The following GAS2 variants were observed in gnomAD, a reference collection of about 807,000 sequenced individuals.
The protein encoded by GAS2 is growth arrest-specific protein 2.
Under a neutral mutation model 37.5 loss-of-function variants are expected in GAS2, and 20 were observed. That is an observed-to-expected ratio of 0.53 (90% CI 0.37 to 0.77). The LOEUF (loss-of-function observed/expected upper bound fraction) is 0.77. Ranked by LOEUF, GAS2 falls within the 30% of genes least tolerant of loss-of-function variation. GAS2 has a pLI of 0.00. For synonymous variants in GAS2, 144 were observed against 132.2 expected (o/e 1.09, Z -0.61); for missense variants, 336 against 373.4 (o/e 0.90, Z 0.82).
intron 1 of GAS2, among the ~76,000 whole-genome samples, chr11:22,638,061 CA>C (rs2133813969): frequency 6.6e-6 from 1 of 152,098 alleles, no homozygotes; most frequent in South Asian, 2.1e-4. Flanking sequence ...TGCAAATACT[CA>C]ATGAACATTG....
intron 7 of GAS2, among the ~76,000 whole-genome samples, chr11:22,757,336 TTTTTC>T (rs1369668430): frequency 6.6e-6 from 1 of 152,162 alleles, no homozygotes; most frequent in Non-Finnish European, 1.5e-5. Flanking sequence ...TGATATTCCA[TTTTTC>T]TTTTCAAGAA....
chr11:22,644,097 AT>A (rs1382090351), intron 1 of GAS2, among the ~76,000 whole-genome samples: 1 of 152,148 alleles, frequency 6.6e-6, no homozygotes, highest in Non-Finnish European at 1.5e-5. Flanking sequence ...ATGTAAACTC[AT>A]TTTTAATTTC....
chr11:22,709,330 G>C (rs1851281822), intron 3 of GAS2, among the ~76,000 whole-genome samples: 2 of 151,970 alleles, frequency 1.3e-5, no homozygotes, highest in African/African-American at 2.4e-5. Context: ...CAGATGTGGT[G>C]ATACAACTAA....
intron 7 of GAS2, among the ~76,000 whole-genome samples, chr11:22,792,385 G>C (rs1856209102): frequency 6.6e-6 from 1 of 152,218 alleles, no homozygotes; most frequent in South Asian, 2.1e-4. Context: ...ACACACATAT[G>C]AAAGACTTTA....
chr11:22,680,608 C>T (rs538362521), intron 2 of GAS2, among the ~76,000 whole-genome samples: 69 of 152,040 alleles, frequency 4.5e-4, no homozygotes, highest in Non-Finnish European at 8.2e-4. Flanking sequence ...GTGAATCATG[C>T]CAAATACCAG....
chr11:22,628,834 G>T (rs1191168491), intron 1 of GAS2, among the ~76,000 whole-genome samples: 1 of 152,078 alleles, frequency 6.6e-6, no homozygotes, highest in African/African-American at 2.4e-5. Context: ...CACTCTGTCT[G>T]CCTTTGCATA....
chr11:22,798,005 T>C (rs1213972291), intron 7 of GAS2, among the ~76,000 whole-genome samples: 1 of 152,102 alleles, frequency 6.6e-6, no homozygotes, highest in Non-Finnish European at 1.5e-5. Context: ...AAAGTCACTT[T>C]AGGATGTATA....
At chr11:22,723,244 A>G (rs1483889479) in intron 3 of GAS2, among the ~76,000 whole-genome samples, 1 of 151,926 alleles carries the variant, frequency 6.6e-6, no homozygotes, top group African/African-American at 2.4e-5. Flanking sequence ...AAATTCTTCT[A>G]CACTGGGGAT....
At chr11:22,654,483 C>G (rs949950996) in intron 1 of GAS2, among the ~76,000 whole-genome samples, 2 of 151,860 alleles carry the variant, frequency 1.3e-5, no homozygotes, top group Admixed American at 1.3e-4. Context: ...GCAGCCTTGA[C>G]CTCCTTGGCT....
intron 1 of GAS2, 88 bp from the exon 2 acceptor site, chr11:22,674,762 C>T (rs1246628194): frequency 3.5e-5 from 34 of 980,168 alleles, no homozygotes; most frequent in Middle Eastern, 2.6e-4. Context: ...AGAAAACCCG[C>T]GGATCCAGTT....
chr11:22,697,375 C>T (rs1234013916), intron 3 of GAS2, among the ~76,000 whole-genome samples: 2 of 152,150 alleles, frequency 1.3e-5, no homozygotes, highest in Admixed American at 6.5e-5. Context: ...AGTCAGGTAG[C>T]ATGATTCCTC....
intron 7 of GAS2, among the ~76,000 whole-genome samples, chr11:22,791,454 CA>C (rs1360138799): frequency 6.6e-6 from 1 of 151,968 alleles, no homozygotes; most frequent in Admixed American, 6.6e-5. Context: ...GTTAATGGGC[CA>C]AAGATGGAAT....
At chr11:22,707,953 G>A (rs1034231523) in intron 3 of GAS2, among the ~76,000 whole-genome samples, 1 of 152,246 alleles carries the variant, frequency 6.6e-6, no homozygotes, top group South Asian at 2.1e-4. Flanking sequence ...CAGGAAGATC[G>A]TTGGGTAAAG....
chr11:22,807,930 G>A (rs1019617974), intron 7 of GAS2, among the ~76,000 whole-genome samples: 1 of 152,068 alleles, frequency 6.6e-6, no homozygotes, highest in African/African-American at 2.4e-5. Context: ...ACACTGTCTG[G>A]GAGTCCTGAT....
chr11:22,692,922 C>T (rs1251729656), intron 3 of GAS2, among the ~76,000 whole-genome samples: 1 of 152,088 alleles, frequency 6.6e-6, no homozygotes, highest in African/African-American at 2.4e-5. Context: ...GTGTCGTGTC[C>T]TTTCCTAAAA....
At chr11:22,687,446 T>C (rs1439023700) in intron 3 of GAS2, among the ~76,000 whole-genome samples, 1 of 152,224 alleles carries the variant, frequency 6.6e-6, no homozygotes, top group Non-Finnish European at 1.5e-5. Flanking sequence ...CAGGTGATTC[T>C]AATGTGCAGC....
intron 3 of GAS2, among the ~76,000 whole-genome samples, chr11:22,704,775 T>A (rs926005123): frequency 3.3e-5 from 5 of 151,606 alleles, no homozygotes; most frequent in Non-Finnish European, 5.9e-5. Context: ...GTGGGCAGAT[T>A]AACACAGGAG....
At chr11:22,644,919 C>T (rs1015999978) in intron 1 of GAS2, among the ~76,000 whole-genome samples, 1 of 152,132 alleles carries the variant, frequency 6.6e-6, no homozygotes, top group Admixed American at 6.5e-5. Context: ...CCACCACTAC[C>T]GGCCGCCTAT....
At chr11:22,697,671 T>G (rs1395572404) in intron 3 of GAS2, among the ~76,000 whole-genome samples, 3 of 152,112 alleles carry the variant, frequency 2.0e-5, no homozygotes, top group Admixed American at 6.6e-5. Context: ...TCCCTTGTAA[T>G]TTGGATTCCT....
Sources: gnomAD v4.1 joint callset for allele counts (sites outside exome capture counted in the v4.1 genomes callset) on GRCh38, gnomAD v4.1.1 for gene constraint, MANE v1.5 for transcripts, NCBI Gene and HGNC (gene_info 2026-07-23, HGNC 2026-07-21) for gene names.